Variants in VPS4B observed in about 807,000 individuals in gnomAD.
VPS4B encodes vacuolar protein sorting 4 homolog B.
VPS4B carries 23 observed loss-of-function variants against 56.1 expected under a neutral mutation model. The observed-to-expected ratio is 0.41, with a 90% CI of 0.30 to 0.58. The LOEUF (loss-of-function observed/expected upper bound fraction) is 0.58, where lower values mean the gene tolerates loss of function less well. Among genes scored for constraint, VPS4B ranks in the 20% least tolerant of loss-of-function variants. VPS4B has a pLI of 0.29. For missense variants in VPS4B, 372 were observed against 531.9 expected (o/e 0.70, Z 2.96); for synonymous variants, 177 against 186.0 (o/e 0.95, Z 0.39).
At chr18:63,419,255 T>C (rs2144442414) in intron 1 of VPS4B, among the ~76,000 whole-genome samples, 1 of 152,262 alleles carries the variant, frequency 6.6e-6, no homozygotes, top group South Asian at 2.1e-4. Context: ...AATCCCCGTC[T>C]CTACAAAAAT....
intron 2 of VPS4B, among the ~76,000 whole-genome samples, chr18:63,410,809 A>G (rs17767070): frequency 0.036 from 5,437 of 152,342 alleles, 100 homozygotes; most frequent in African/African-American, 0.044. Context: ...AAAGACAAAT[A>G]GAAGGAAAGC....
At chr18:63,395,425 A>G (rs1915648400) in intron 9 of VPS4B, among the ~76,000 whole-genome samples, 1 of 152,326 alleles carries the variant, frequency 6.6e-6, no homozygotes, top group African/African-American at 2.4e-5. Context: ...ATTGGAAAGG[A>G]CTTCAAAATA....
At chr18:63,413,026 A>C (rs530119642) in intron 1 of VPS4B, among the ~76,000 whole-genome samples, 1 of 152,390 alleles carries the variant, frequency 6.6e-6, no homozygotes, top group East Asian at 1.9e-4. Flanking sequence ...AACATATCTA[A>C]CAAAGAACTA....
Position 63,397,124 on chromosome 18 carries a change from A to G in VPS4B, c.1002T>C (p.Asp334=). Residue 334 remains aspartate, a synonymous_variant, in exon 9 of 11, where the codon GAT becomes GAC. Coordinates refer to ENST00000238497, the MANE Select transcript of VPS4B (RefSeq NM_004869.4). ...ADFRELGRKT[D]GYSGADISII... is the part of the protein sequence containing the mutation. Reference sequence around the variant, plus strand: ...TACTTATATCTGCCCCTGAATAACCATCTGTTTTCCTCCCAAGTTCCCGAA... The same window carrying G: ...TACTTATATCTGCCCCTGAATAACCGTCTGTTTTCCTCCCAAGTTCCCGAA... 6.2e-7 allele frequency: 1 copy of G among 1,614,172 alleles called. No homozygotes were observed. The highest frequency in any genetic ancestry group is 1.3e-5 in the African/African-American group (1 of 75,030).
chr18:63,393,216 C>T (rs551373977), intron 10 of VPS4B, among the ~76,000 whole-genome samples, 193 bp downstream of exon 10: 1 of 152,166 alleles, frequency 6.6e-6, no homozygotes, highest in Non-Finnish European at 1.5e-5. Context: ...TTCCTCTAAA[C>T]CCAAGAAAAT....
At chr18:63,399,068 C>T (rs1488969770) in intron 8 of VPS4B, among the ~76,000 whole-genome samples, 174 bp downstream of exon 8, 2 of 152,114 alleles carry the variant, frequency 1.3e-5, no homozygotes, top group African/African-American at 4.8e-5. Context: ...ACTAGGGAAA[C>T]AAACAAGCAA....
Position 63,397,403 on chromosome 18 carries a change from A to C in VPS4B, c.873-150T>G, listed in dbSNP as rs376458359. ...GGATAATATCCAGAACACATTAAAA[A>C]CAAACAAATAAAATCAAAATAGCCT... On this transcript the variant is annotated intron_variant, in intron 8 of 10. Coordinates refer to ENST00000238497, the MANE Select transcript of VPS4B (RefSeq NM_004869.4). 1.1e-5 allele frequency: 8 copies of C among 719,840 alleles called. No homozygotes were observed. In the East Asian group the frequency reaches 2.3e-4, roughly 21 times the overall value. 44.6% of individuals were successfully genotyped at this position (719,840 alleles called of 1,614,324 possible).
intron 10 of VPS4B, among the ~76,000 whole-genome samples, chr18:63,392,884 T>C (rs1049672716): frequency 6.6e-6 from 1 of 152,128 alleles, no homozygotes; most frequent in African/African-American, 2.4e-5. Flanking sequence ...GTAGCTGGAT[T>C]GCAGGTGTGC....
At chr18:63,420,240 A>C (rs1260478474) in intron 1 of VPS4B, among the ~76,000 whole-genome samples, 1 of 152,120 alleles carries the variant, frequency 6.6e-6, no homozygotes, top group Non-Finnish European at 1.5e-5. Context: ...TGAGGTCAGG[A>C]GTTCAAGACC....
chr18:63,399,353 A>G, intron 7 of VPS4B, 30 bp from the exon 8 acceptor site: 1 of 1,592,216 alleles, frequency 6.3e-7, no homozygotes, highest in Non-Finnish European at 8.6e-7. Flanking sequence ...GCTTTAATTA[A>G]TTTGTCATTT....
intron 1 of VPS4B, 72 bp from the exon 2 acceptor site, chr18:63,411,650 T>G: frequency 1.9e-6 from 2 of 1,068,512 alleles, no homozygotes; most frequent in Non-Finnish European, 2.5e-6. Flanking sequence ...ATAATCATAC[T>G]GAAAGTTTTT....
chr18:63,400,772 T>A (rs1243514055), intron 5 of VPS4B, 69 bp from the exon 6 acceptor site: 2 of 1,447,458 alleles, frequency 1.4e-6, no homozygotes, highest in African/African-American at 2.9e-5. Context: ...TACTGAGGAA[T>A]ACTCTGGAAA....
chr18:63,419,945 A>C lies in VPS4B; in HGVS notation c.27+2288T>G, dbSNP rs78188960. 2.4e-3 allele frequency among the ~76,000 whole-genome samples: 371 copies of C among 152,322 alleles called. 5 individuals are homozygous for C. Among genetic ancestry groups the C allele is most frequent in the African/African-American group, 8.6e-3 (356 of 41,572 alleles). ...GGCCACAGAGATTTTTGCCTTGTTC[A>C]GCAGGAAGTTAATCACTACATGAAT... On this transcript the variant is annotated intron_variant, in intron 1 of 10. Transcript: ENST00000238497.
chr18:63,404,333 A>G (rs1325864131), intron 4 of VPS4B, among the ~76,000 whole-genome samples: 1 of 152,194 alleles, frequency 6.6e-6, no homozygotes, highest in Non-Finnish European at 1.5e-5. Context: ...ATAGGCAGAC[A>G]GACAGAAGGG....
intron 9 of VPS4B, 139 bp from the exon 10 acceptor site, chr18:63,393,688 A>C: frequency 1.1e-6 from 1 of 944,142 alleles, no homozygotes; most frequent in African/African-American, 1.7e-5. Flanking sequence ...AAAATTAAGA[A>C]TATACAACAA....
At position 63,400,282 on chromosome 18, in the gene VPS4B, A is replaced by C. The variant is rs143898396; in HGVS notation, c.642-86T>G. 2.0e-3 allele frequency: 2,751 copies of C among 1,355,288 alleles called. 37 individuals carry two copies. The East Asian group carries it at 0.026, about 13-fold the overall frequency. The allele number at this position is 1,355,288 out of a possible 1,614,324, so 84.0% of individuals were successfully genotyped here. A position where few individuals can be genotyped will look rare whatever the true frequency, so the allele number is the denominator to read the frequency against. ...TATATCAATATTACAAGAACTCTGT[A>C]GATTAAAAAGCCTAATCATGTTTCA... On this transcript the variant is annotated intron_variant, in intron 6 of 10. Transcript: ENST00000238497.
At chr18:63,411,629 A>C (rs755429317) in intron 1 of VPS4B, 51 bp from the exon 2 acceptor site, 1 of 1,353,176 alleles carries the variant, frequency 7.4e-7, no homozygotes, top group Non-Finnish European at 9.9e-7. Context: ...ATAAACATAA[A>C]TTTGAAGTAA....
At chr18:63,408,684 GAAC>G (rs1915969297) in intron 3 of VPS4B, among the ~76,000 whole-genome samples, 1 of 152,182 alleles carries the variant, frequency 6.6e-6, no homozygotes, top group African/African-American at 2.4e-5. Flanking sequence ...ATCCCTACTT[GAAC>G]AACCCTGGTA....
chr18:63,390,827 CAATATA>C lies in VPS4B; in HGVS notation c.*142_*147del. ...TTTAATAAGTAATGGAGGAAAAGTA[CAATATA>C]AAACCTAATGGAACTCTGAAGTGAG... On this transcript the variant is annotated 3_prime_UTR_variant, in exon 11 of 11. Transcript: ENST00000238497. The C allele has an allele frequency of 1.8e-6, 1 of 550,336 alleles. No homozygotes were observed. Among genetic ancestry groups the C allele is most frequent in the Non-Finnish European group, 3.2e-6 (1 of 312,550 alleles). The allele number at this position is 550,336 out of a possible 1,614,324, so 34.1% of individuals were successfully genotyped here. A position where few individuals can be genotyped will look rare whatever the true frequency, so the allele number is the denominator to read the frequency against.
Sources: gnomAD v4.1 joint callset for allele counts (sites outside exome capture counted in the v4.1 genomes callset) on GRCh38, gnomAD v4.1.1 for gene constraint, MANE v1.5 for transcripts, NCBI Gene and HGNC (gene_info 2026-07-23, HGNC 2026-07-21) for gene names.